The following DNAJB6 variants were observed in gnomAD, a reference collection of about 807,000 sequenced individuals.
The protein encoded by DNAJB6 is DnaJ heat shock protein family (Hsp40) member B6.
Under a neutral mutation model 42.7 loss-of-function variants are expected in DNAJB6, and 16 were observed. That is an observed-to-expected ratio of 0.37 (90% CI 0.25 to 0.57). DNAJB6 has a LOEUF of 0.57. DNAJB6 is among the 20% of genes least tolerant of loss of function. DNAJB6 has a pLI of 0.74. For synonymous variants in DNAJB6, 170 were observed against 163.5 expected, an observed-to-expected ratio of 1.04 and a Z score of -0.30; for missense variants, 347 against 416.8, an observed-to-expected ratio of 0.83 and a Z score of 1.46.
chr7:157,368,111 C>A (rs549039111), intron 5 of DNAJB6, among the ~76,000 whole-genome samples: 1 of 152,232 alleles, frequency 6.6e-6, no homozygotes, highest in Non-Finnish European at 1.5e-5. Context: ...AAGGCCCTGT[C>A]TCAAAAAAAT....
At chr7:157,341,662 G>A (rs13224364) in intron 1 of DNAJB6, among the ~76,000 whole-genome samples, 83,978 of 151,998 alleles carry the variant, frequency 0.55, 23,512 homozygotes, top group East Asian at 0.75. Context: ...GAGATGGCAT[G>A]TACCACTTGG....
chr7:157,381,718 C>G (rs544529750), intron 5 of DNAJB6: 4 of 151,490 alleles, frequency 2.6e-5, no homozygotes, highest in Non-Finnish European at 5.9e-5. Flanking sequence ...GGTATTTACA[C>G]TTAGCTTACA....
intron 5 of DNAJB6, chr7:157,372,254 G>A (rs1800247177): frequency 6.5e-6 from 1 of 152,970 alleles, no homozygotes; most frequent in Admixed American, 6.5e-5. Context: ...GAACAGTGAG[G>A]CCTTGGATGT....
rs1284207483 is a variant in DNAJB6 at position 157,417,423 on chromosome 7, T to C, written c.*1325T>C. 1 of 152,222 alleles carries C rather than the reference T, an allele frequency of 6.6e-6. No homozygotes were observed. Among genetic ancestry groups the C allele is most frequent in the African/African-American group, 2.4e-5 (1 of 41,440 alleles). The allele number at this position is 152,222 out of a possible 1,614,324, so 9.4% of individuals were successfully genotyped here. On this transcript the variant is annotated 3_prime_UTR_variant, in exon 10 of 10. Coordinates refer to ENST00000262177, the MANE Select transcript of DNAJB6 (RefSeq NM_058246.4). ...AAATGCCACCTACATAAATAAAACA[T>C]AAGCATATTGAATACAGCTCGCCTG...
At chr7:157,386,751 G>A (rs1299950401) in intron 8 of DNAJB6, among the ~76,000 whole-genome samples, 1 of 152,090 alleles carries the variant, frequency 6.6e-6, no homozygotes, top group African/African-American at 2.4e-5. Flanking sequence ...GGGTGTGGTG[G>A]CAGGCGCCTG....
At chr7:157,340,998 G>GTGTGCGCGCGCGCGCGCGCGCT (rs67210462) in intron 1 of DNAJB6, among the ~76,000 whole-genome samples, 10 of 134,958 alleles carry the variant, frequency 7.4e-5, no homozygotes, top group African/African-American at 1.6e-4. Context: ...GTGTGTGTGT[G>GTGTGCGCGCGCGCGCGCGCGCT]CGCGCGCGCA....
At chr7:157,369,659 C>CGGGCCCCTTCTTAACATTGTTATTAAAG (rs1800028586) in intron 5 of DNAJB6, among the ~76,000 whole-genome samples, 1 of 145,584 alleles carries the variant, frequency 6.9e-6, no homozygotes, top group African/African-American at 2.6e-5. Flanking sequence ...TATTATTAAA[C>CGGGCCCCTTCTTAACATTGTTATTAAAG]AGGCCCCTTC....
chr7:157,348,886 G>C (rs139890801), intron 1 of DNAJB6, among the ~76,000 whole-genome samples: 51 of 152,224 alleles, frequency 3.4e-4, no homozygotes, highest in African/African-American at 1.2e-3. Flanking sequence ...CTGAGCATAC[G>C]CTGTTACTTG....
chr7:157,407,099 T>TTG (rs1795798760), intron 8 of DNAJB6, among the ~76,000 whole-genome samples: 1 of 151,508 alleles, frequency 6.6e-6, no homozygotes, highest in Non-Finnish European at 1.5e-5. Context: ...AGCTGGGAGG[T>TTG]GGGGGGGGTC....
intron 1 of DNAJB6, among the ~76,000 whole-genome samples, chr7:157,357,933 G>A (rs933052803): frequency 6.6e-6 from 1 of 152,184 alleles, no homozygotes; most frequent in African/African-American, 2.4e-5. Flanking sequence ...TATTTCTTTG[G>A]TAGAGGAATG....
At chr7:157,412,180 G>A (rs1028246356) in intron 9 of DNAJB6, 11 of 152,222 alleles carry the variant, frequency 7.2e-5, no homozygotes, top group African/African-American at 2.7e-4. Flanking sequence ...CTCAAAGGAT[G>A]AGTCAAGAAA....
intron 8 of DNAJB6, among the ~76,000 whole-genome samples, chr7:157,391,366 T>C (rs1434592379): frequency 6.6e-6 from 1 of 152,232 alleles, no homozygotes; most frequent in Non-Finnish European, 1.5e-5. Context: ...TCTGAGAAAG[T>C]CAGCTGCAGA....
chr7:157,384,883 G>C lies in DNAJB6; in HGVS notation c.495G>C (p.Gly165=). 1 of 1,612,220 alleles carries C rather than the reference G, an allele frequency of 6.2e-7. No homozygotes were observed. The highest frequency in any genetic ancestry group is 8.5e-7 in the Non-Finnish European group (1 of 1,179,528). Residue 165 remains glycine, a synonymous_variant, in exon 7 of 10, where the codon GGG becomes GGC. Transcript: ENST00000262177. ...TTCCTGTAGGATTTACTTCATTTGGGTCACTAGGTCACGGGGGCCTCACTT... is the reference window on the plus strand; with the variant it reads ...TTCCTGTAGGATTTACTTCATTTGGCTCACTAGGTCACGGGGGCCTCACTT... ...SSFDTGFTSF[G]SLGHGGLTSF... is the part of the protein sequence containing the mutation.
In DNAJB6 at chr7:157,382,452, T is replaced by C. The variant is rs182543464; in HGVS notation, c.478+75T>C. 7.5e-6 allele frequency: 11 copies of C among 1,475,808 alleles called. No homozygotes were observed. In the Admixed American group the frequency reaches 2.7e-4, roughly 36 times the overall value. 91.4% of individuals were successfully genotyped at this position (1,475,808 alleles called of 1,614,324 possible). On this transcript the variant is annotated intron_variant, in intron 6 of 9. Transcript: ENST00000262177. ...TTATAAAATCATAATACTCTTTTAG[T>C]TAGAGTGCTTTAAAATATGTGTATA...
intron 1 of DNAJB6, among the ~76,000 whole-genome samples, chr7:157,347,210 A>G (rs1798733892): frequency 6.6e-6 from 1 of 152,134 alleles, no homozygotes; most frequent in Non-Finnish European, 1.5e-5. Flanking sequence ...TTTATATTCT[A>G]AATTTGTTAG....
At chr7:157,368,655 T>TA (rs1323089719) in intron 5 of DNAJB6, 3 of 153,358 alleles carry the variant, frequency 2.0e-5, no homozygotes, top group East Asian at 3.8e-4. Context: ...TGTCTCCTGT[T>TA]AGAGTCTTCT....
rs966534358 is a variant in DNAJB6 at position 157,416,953 on chromosome 7, G to A, written c.*855G>A. 5 of 152,064 alleles carry A rather than the reference G, an allele frequency of 3.3e-5. No homozygotes were observed. The highest frequency in any genetic ancestry group is 7.3e-5 in the Non-Finnish European group (5 of 68,040). The allele number at this position is 152,064 out of a possible 1,614,324, so 9.4% of individuals were successfully genotyped here. A position where few individuals can be genotyped will look rare whatever the true frequency, so the allele number is the denominator to read the frequency against. On this transcript the variant is annotated 3_prime_UTR_variant, in exon 10 of 10. Transcript: ENST00000262177. ...AAGTCACTTCATTCTAACTAGATGC[G>A]CCCACTTCCGGTCATTATTTCGTTT...
intron 1 of DNAJB6, among the ~76,000 whole-genome samples, chr7:157,351,944 G>A (rs750341672): frequency 1.3e-4 from 20 of 152,158 alleles, no homozygotes; most frequent in South Asian, 2.1e-4. Flanking sequence ...TCAGTGAGTC[G>A]AGATTGTGCT....
intron 5 of DNAJB6, chr7:157,378,506 CGCGCTGTATGGTTGTGCGTTGTAGCGT>C (rs1435533988): frequency 1.3e-5 from 2 of 152,354 alleles, no homozygotes; most frequent in East Asian, 1.9e-4. Context: ...CATTGTAGCA[CGCGCTGTATGGTTGTGCGTTGTAGCGT>C]GCGCTGTATA....
Sources: allele counts gnomAD v4.1 joint callset (sites outside exome capture counted in the v4.1 genomes callset), GRCh38; gene constraint gnomAD v4.1.1; transcripts MANE v1.5; gene names NCBI Gene and HGNC (gene_info 2026-07-23, HGNC 2026-07-21).